Variants in STXBP6 observed in about 807,000 individuals in gnomAD.
STXBP6 encodes the protein syntaxin binding protein 6, also known as syntaxin-binding protein 6.
In STXBP6, 21 loss-of-function variants were observed where a neutral mutation model predicts 26.9. That is an observed-to-expected ratio of 0.78 (90% CI 0.55 to 1.12). The LOEUF (loss-of-function observed/expected upper bound fraction) is 1.12, where lower values mean the gene tolerates loss of function less well. Ranked by LOEUF, STXBP6 falls within the 50% of genes most tolerant of loss-of-function variation. STXBP6 has a pLI of 0.00. For missense variants in STXBP6, 232 were observed against 257.9 expected, an observed-to-expected ratio of 0.90 and a Z score of 0.69; for synonymous variants, 97 against 92.6, an observed-to-expected ratio of 1.05 and a Z score of -0.27.
intron 2 of STXBP6, among the ~76,000 whole-genome samples, chr14:24,957,035 A>G (rs990401857): frequency 1.3e-4 from 20 of 152,164 alleles, no homozygotes; most frequent in African/African-American, 4.1e-4. Flanking sequence ...CCAACCAGCA[A>G]TTACTGAGGT....
At chr14:24,869,420 T>C (rs1487484847) in intron 2 of STXBP6, among the ~76,000 whole-genome samples, 1 of 152,200 alleles carries the variant, frequency 6.6e-6, no homozygotes, top group Non-Finnish European at 1.5e-5. Flanking sequence ...TAGCAGCCTA[T>C]GAATCATTCC....
chr14:24,810,779 G>A lies in STXBP6; in HGVS notation c.*1930C>T, dbSNP rs565917052. The A allele has an allele frequency of 6.6e-6, 1 of 152,038 alleles. No homozygotes were observed. Among genetic ancestry groups the A allele is most frequent in the South Asian group, 2.1e-4 (1 of 4,806 alleles). 9.4% of individuals were successfully genotyped at this position (152,038 alleles called of 1,614,324 possible). A position where few individuals can be genotyped will look rare whatever the true frequency, so the allele number is the denominator to read the frequency against. On this transcript the variant is annotated 3_prime_UTR_variant, in exon 6 of 6. Coordinates refer to ENST00000323944, the MANE Select transcript of STXBP6 (RefSeq NM_001394410.1). ...TGTTCTTGAATTTGGCGGACTGTCA[G>A]GGGGTTTTAGATTTATCCTTTCAAT... is the stretch of plus-strand genomic sequence containing the variant.
chr14:25,026,262 CA>C (rs1404723421), intron 1 of STXBP6, among the ~76,000 whole-genome samples: 1 of 151,966 alleles, frequency 6.6e-6, no homozygotes, highest in Non-Finnish European at 1.5e-5. Context: ...TTGCATACCT[CA>C]AAAAGACGGT....
chr14:24,850,938 C>T (rs2069129628), intron 4 of STXBP6, among the ~76,000 whole-genome samples: 1 of 151,982 alleles, frequency 6.6e-6, no homozygotes, highest in African/African-American at 2.4e-5. Context: ...ATAATTTATA[C>T]CTCTTAATGA....
chr14:24,934,914 T>C (rs1219147347), intron 2 of STXBP6, among the ~76,000 whole-genome samples: 2 of 152,122 alleles, frequency 1.3e-5, no homozygotes, highest in East Asian at 1.9e-4. Context: ...ATATTAATAC[T>C]CTTTTTAAAA....
chr14:24,897,602 G>A (rs2071044765), intron 2 of STXBP6, among the ~76,000 whole-genome samples: 1 of 152,040 alleles, frequency 6.6e-6, no homozygotes, highest in African/African-American at 2.4e-5. Context: ...ATAAAATTTA[G>A]TTCAAGTACT....
At chr14:24,861,973 T>G (rs1054533136) in intron 2 of STXBP6, among the ~76,000 whole-genome samples, 3 of 152,114 alleles carry the variant, frequency 2.0e-5, no homozygotes, top group Non-Finnish European at 2.9e-5. Context: ...GGGTCTGACA[T>G]GGGATACTTA....
rs150837302 is a variant in STXBP6 at position 24,936,517 on chromosome 14, T to G, written c.154+38148A>C. Among the ~76,000 whole-genome samples, 438 of 152,324 alleles carry G rather than the reference T, an allele frequency of 2.9e-3. 1 individual carries two copies. Among genetic ancestry groups the G allele is most frequent in the African/African-American group, 9.7e-3 (405 of 41,564 alleles). On this transcript the variant is annotated intron_variant, in intron 2 of 5. Coordinates refer to ENST00000323944, the MANE Select transcript of STXBP6 (RefSeq NM_001394410.1). ...TTACAGATTAGATTTGTAAAGAATC[T>G]TATAGATTAGATTTAATCATATCCA...
At chr14:24,818,098 C>T (rs750278548) in intron 5 of STXBP6, 3 of 456,692 alleles carry the variant, frequency 6.6e-6, no homozygotes, top group South Asian at 4.6e-5. Flanking sequence ...ATTTTCTTCC[C>T]CGAAAGGTCA....
At chr14:24,830,253 A>G (rs2068418662) in intron 4 of STXBP6, among the ~76,000 whole-genome samples, 1 of 152,004 alleles carries the variant, frequency 6.6e-6, no homozygotes, top group Non-Finnish European at 1.5e-5. Flanking sequence ...AAATAGGGGT[A>G]ATCTGGACCA....
chr14:25,037,026 A>G (rs781231184), intron 1 of STXBP6, among the ~76,000 whole-genome samples: 12 of 152,162 alleles, frequency 7.9e-5, no homozygotes, highest in Non-Finnish European at 1.3e-4. Context: ...CTGGGTAACT[A>G]TTTGCCAGTC....
intron 4 of STXBP6, among the ~76,000 whole-genome samples, chr14:24,828,298 T>C (rs2068349299): frequency 6.6e-6 from 1 of 152,178 alleles, no homozygotes; most frequent in Non-Finnish European, 1.5e-5. Context: ...ATGTGATATT[T>C]AGAACATCAA....
At chr14:24,956,254 C>G (rs2073341659) in intron 2 of STXBP6, among the ~76,000 whole-genome samples, 1 of 152,082 alleles carries the variant, frequency 6.6e-6, no homozygotes, top group African/African-American at 2.4e-5. Flanking sequence ...GTAAGGAATT[C>G]AACACCAAGT....
chr14:24,976,852 C>CTTTTTTTTTTTTTTTTTTT lies in STXBP6; in HGVS notation c.-32-2021_-32-2003dup, dbSNP rs71121808. Among the ~76,000 whole-genome samples, 24 of 45,274 alleles carry CTTTTTTTTTTTTTTTTTTT rather than the reference C, an allele frequency of 5.3e-4. 6 individuals carry two copies. The highest frequency in any genetic ancestry group is 1.5e-3 in the African/African-American group (13 of 8,898). 29.7% of individuals were successfully genotyped at this position (45,274 alleles called of 152,430 possible). On this transcript the variant is annotated intron_variant, in intron 1 of 5. Transcript: ENST00000323944. Reference sequence around the variant, plus strand: ...CAAAGTCCTGAGCTGACTGGGCGCTCTTTTTTTTTTTTTTTTTTTTTTTTT... The same window carrying CTTTTTTTTTTTTTTTTTTT: ...CAAAGTCCTGAGCTGACTGGGCGCTCTTTTTTTTTTTTTTTTTTTTTTTTTTTTTTTTTTTTTTTTTTTT...
chr14:24,927,475 T>C (rs376112946), intron 2 of STXBP6, among the ~76,000 whole-genome samples: 43 of 152,364 alleles, frequency 2.8e-4, no homozygotes, highest in African/African-American at 1.0e-3. Flanking sequence ...AACATATTTG[T>C]GCTCAAAATC....
chr14:24,961,875 T>C (rs2073552745), intron 2 of STXBP6, among the ~76,000 whole-genome samples: 1 of 152,186 alleles, frequency 6.6e-6, no homozygotes, highest in African/African-American at 2.4e-5. Flanking sequence ...TGTGATATAA[T>C]GTGAAATGTG....
chr14:24,836,360 G>A (rs2068611762), intron 4 of STXBP6, among the ~76,000 whole-genome samples: 1 of 152,088 alleles, frequency 6.6e-6, no homozygotes, highest in Admixed American at 6.6e-5. Context: ...ACTTTGGGAG[G>A]TCGAGGCGAG....
At chr14:25,003,078 G>A (rs747794385) in intron 1 of STXBP6, among the ~76,000 whole-genome samples, 2 of 152,188 alleles carry the variant, frequency 1.3e-5, no homozygotes, top group Non-Finnish European at 2.9e-5. Context: ...ATGTGAAGAT[G>A]ATCTGCTTCA....
intron 2 of STXBP6, among the ~76,000 whole-genome samples, chr14:24,858,523 AC>A (rs1420143452): frequency 2.5e-4 from 38 of 152,260 alleles, no homozygotes; most frequent in African/African-American, 7.9e-4. Flanking sequence ...AATATTTCAT[AC>A]CAATTACATT....
Sources: gnomAD v4.1 joint callset for allele counts (sites outside exome capture counted in the v4.1 genomes callset) on GRCh38, gnomAD v4.1.1 for gene constraint, MANE v1.5 for transcripts, NCBI Gene and HGNC (gene_info 2026-07-23, HGNC 2026-07-21) for gene names.